The following ADAM18 variants were observed in gnomAD, a reference collection of about 807,000 sequenced individuals.
ADAM18 encodes the protein disintegrin and metalloproteinase domain-containing protein 18.
A neutral mutation model predicts 94.4 loss-of-function variants in ADAM18; 117 were observed. The ratio of observed to expected loss-of-function variants is 1.24; its 90% CI spans 1.07 to 1.45. ADAM18 has a LOEUF of 1.45. Among genes scored for constraint, ADAM18 ranks in the 40% most tolerant of loss-of-function variants. The pLI, the probability that ADAM18 is intolerant of heterozygous loss-of-function variation, is 0.00. For synonymous variants in ADAM18, 327 were observed against 291.6 expected (o/e 1.12, Z -1.24); for missense variants, 936 against 880.0 (o/e 1.06, Z -0.81).
intron 12 of ADAM18, among the ~76,000 whole-genome samples, chr8:39,654,332 A>C (rs916895897): frequency 6.6e-6 from 1 of 151,190 alleles, no homozygotes; most frequent in Non-Finnish European, 1.5e-5. Context: ...GGCCTCCCAA[A>C]GTGCTGGGAT....
At position 39,648,471 on chromosome 8, in the gene ADAM18, G is replaced by C; in HGVS notation, c.1174G>C (p.Val392Leu). The change falls in exon 12 of 20, where the codon GTG (valine) becomes CTG (leucine). Residue 392 changes from valine to leucine, a missense_variant. Transcript: ENST00000265707. Reference sequence around the variant, plus strand: ...GCAACCATTACATCAAAATCAACCAGTGTGTGGTAATGGGATTTTGGAATC... The same window carrying C: ...GCAACCATTACATCAAAATCAACCACTGTGTGGTAATGGGATTTTGGAATC... ...NLQPLHQNQP[V>L]CGNGILESNE... The C allele has an allele frequency of 6.2e-7, 1 of 1,612,950 alleles. No individual in the cohort carries two copies. Among genetic ancestry groups the C allele is most frequent in the South Asian group, 1.1e-5 (1 of 90,854 alleles).
intron 2 of ADAM18, among the ~76,000 whole-genome samples, chr8:39,588,732 C>T (rs1450233850): frequency 2.0e-5 from 3 of 152,132 alleles, no homozygotes; most frequent in Non-Finnish European, 4.4e-5. Flanking sequence ...TGCAAGCACG[C>T]CTGCAATTGA....
At chr8:39,659,536 G>A (rs1178016102) in intron 12 of ADAM18, among the ~76,000 whole-genome samples, 1 of 152,064 alleles carries the variant, frequency 6.6e-6, no homozygotes, top group African/African-American at 2.4e-5. Flanking sequence ...TCAATGAGAT[G>A]TCTCTGAAAT....
At chr8:39,587,613 T>G (rs186153097) in intron 2 of ADAM18, among the ~76,000 whole-genome samples, 118 of 152,164 alleles carry the variant, frequency 7.8e-4, no homozygotes, top group Middle Eastern at 6.8e-3. Flanking sequence ...CCTGGATAAT[T>G]TTGTATTTTT....
intron 19 of ADAM18, among the ~76,000 whole-genome samples, chr8:39,725,026 T>C (rs1194347193): frequency 6.6e-6 from 1 of 151,958 alleles, no homozygotes; most frequent in South Asian, 2.1e-4. Flanking sequence ...TACACTTGAA[T>C]AGAAGGTGTA....
intron 10 of ADAM18, among the ~76,000 whole-genome samples, chr8:39,644,459 A>AT (rs935263964): frequency 2.2e-4 from 34 of 151,152 alleles, no homozygotes; most frequent in Admixed American, 6.6e-4. Context: ...GCTATTTTTA[A>AT]TTTTTTTTTG....
At chr8:39,653,268 T>C (rs1371941970) in intron 12 of ADAM18, among the ~76,000 whole-genome samples, 1 of 152,164 alleles carries the variant, frequency 6.6e-6, no homozygotes, top group East Asian at 1.9e-4. Context: ...ACATCATTAA[T>C]ACATAACATT....
intron 2 of ADAM18, among the ~76,000 whole-genome samples, chr8:39,593,120 C>T (rs1263611397): frequency 6.6e-6 from 1 of 152,160 alleles, no homozygotes; most frequent in East Asian, 1.9e-4. Context: ...ACTTTCTTTT[C>T]ATTTTCAGTC....
chr8:39,661,093 G>A (rs1820820276), intron 12 of ADAM18, among the ~76,000 whole-genome samples: 1 of 150,546 alleles, frequency 6.6e-6, no homozygotes, highest in Non-Finnish European at 1.5e-5. Context: ...ACATGATCAG[G>A]ATGCCTATAT....
chr8:39,682,643 C>A (rs6474167), intron 16 of ADAM18, among the ~76,000 whole-genome samples: 32,483 of 151,956 alleles, frequency 0.21, 5,213 homozygotes, highest in African/African-American at 0.45. Flanking sequence ...TAATCCCCCC[C>A]CACACACACT....
intron 6 of ADAM18, among the ~76,000 whole-genome samples, chr8:39,615,612 A>T (rs1256434998): frequency 6.6e-6 from 1 of 152,196 alleles, no homozygotes; most frequent in African/African-American, 2.4e-5. Context: ...AATATACTCA[A>T]CAGGCAAAAG....
chr8:39,601,527 G>A (rs1818903374), intron 2 of ADAM18, among the ~76,000 whole-genome samples: 1 of 151,710 alleles, frequency 6.6e-6, no homozygotes, highest in Non-Finnish European at 1.5e-5. Context: ...AGTTTTTAAT[G>A]TACACATTTA....
chr8:39,593,432 A>G (rs1818638809), intron 2 of ADAM18, among the ~76,000 whole-genome samples: 1 of 152,186 alleles, frequency 6.6e-6, no homozygotes, highest in Admixed American at 6.5e-5. Context: ...AACCTCGAGT[A>G]GCCAAAGCAA....
At chr8:39,676,369 C>T (rs1167993409) in intron 14 of ADAM18, among the ~76,000 whole-genome samples, 3 of 152,238 alleles carry the variant, frequency 2.0e-5, no homozygotes, top group African/African-American at 7.2e-5. Flanking sequence ...ACCCCTCCCC[C>T]AGCCAGGCTG....
At chr8:39,713,571 AAAG>A (rs1175244926) in intron 18 of ADAM18, among the ~76,000 whole-genome samples, 2 of 152,206 alleles carry the variant, frequency 1.3e-5, no homozygotes, top group African/African-American at 4.8e-5. Flanking sequence ...CAGAATCTAC[AAAG>A]AACACAAACA....
chr8:39,636,628 A>T (rs11785546), intron 7 of ADAM18, among the ~76,000 whole-genome samples: 89,286 of 151,850 alleles, frequency 0.59, 26,996 homozygotes, highest in Non-Finnish European at 0.66. Context: ...GTTACATTTT[A>T]ATGGTAAAAG....
chr8:39,716,131 A>T (rs934929644), intron 18 of ADAM18, among the ~76,000 whole-genome samples: 2 of 150,768 alleles, frequency 1.3e-5, no homozygotes, highest in Non-Finnish European at 3.0e-5. Context: ...TTTGTTTGCC[A>T]TTTTAAAAAC....
Position 39,629,442 on chromosome 8 carries a change from A to G in ADAM18, c.588+3A>G, listed in dbSNP as rs1263073547. 2 of 1,568,338 alleles carry G rather than the reference A, an allele frequency of 1.3e-6. No individual in the cohort carries two copies. The highest frequency in any genetic ancestry group is 1.7e-6 in the Non-Finnish European group (2 of 1,154,756). On this transcript the variant is annotated splice_donor_region_variant and intron_variant, in intron 7 of 19. Coordinates refer to ENST00000265707, the MANE Select transcript of ADAM18 (RefSeq NM_014237.3). Reference sequence around the variant, plus strand: ...ACATTATAGTGGAAAAAGCTTTGGTAAGTATGCTTTCAAGAGGTCTTTCAA... The same window carrying G: ...ACATTATAGTGGAAAAAGCTTTGGTGAGTATGCTTTCAAGAGGTCTTTCAA...
At chr8:39,661,154 CTT>C (rs34697066) in intron 12 of ADAM18, among the ~76,000 whole-genome samples, 39 of 116,754 alleles carry the variant, frequency 3.3e-4, no homozygotes, top group South Asian at 2.9e-3. Flanking sequence ...TCTTCTTCTT[CTT>C]TTTTTTTTTT....
Sources: allele counts gnomAD v4.1 joint callset (sites outside exome capture counted in the v4.1 genomes callset), GRCh38; gene constraint gnomAD v4.1.1; transcripts MANE v1.5; gene names NCBI Gene and HGNC (gene_info 2026-07-23, HGNC 2026-07-21).